The following CD2AP variants were observed in gnomAD, a reference collection of about 807,000 sequenced individuals.
CD2AP encodes CD2 associated protein.
CD2AP carries 46 observed loss-of-function variants against 85.1 expected under a neutral mutation model. That is an observed-to-expected ratio of 0.54 (90% CI 0.43 to 0.69). The LOEUF is 0.69. CD2AP is among the 30% of genes least tolerant of loss of function. The probability of loss-of-function intolerance (pLI) is 0.00; values close to 1 mark genes in which losing one functional copy is unlikely to be tolerated. For synonymous variants in CD2AP, 255 were observed against 252.9 expected, an observed-to-expected ratio of 1.01 and a Z score of -0.08; for missense variants, 769 against 729.5, an observed-to-expected ratio of 1.05 and a Z score of -0.62.
chr6:47,575,373 T>G (rs1366016520), intron 6 of CD2AP, among the ~76,000 whole-genome samples: 1 of 152,232 alleles, frequency 6.6e-6, no homozygotes, highest in African/African-American at 2.4e-5. Flanking sequence ...TTTAGTTGAT[T>G]AATGATTATA....
chr6:47,558,550 G>A (rs947053474), intron 5 of CD2AP, among the ~76,000 whole-genome samples: 46 of 152,096 alleles, frequency 3.0e-4, no homozygotes, highest in African/African-American at 1.0e-3. Context: ...GAATTTTATC[G>A]AAGGCCTTTT....
chr6:47,478,901 G>A (rs1765378404), intron 1 of CD2AP, among the ~76,000 whole-genome samples: 1 of 152,094 alleles, frequency 6.6e-6, no homozygotes, highest in Non-Finnish European at 1.5e-5. Flanking sequence ...TTCCTGTTTG[G>A]AGTTAGACTT....
chr6:47,606,353 G>A, intron 14 of CD2AP, 76 bp downstream of exon 14: 1 of 869,202 alleles, frequency 1.2e-6, no homozygotes, highest in Non-Finnish European at 2.0e-6. Flanking sequence ...AGGACTTATA[G>A]CTCTACCTAA....
At chr6:47,604,264 A>T (rs1427047535) in intron 13 of CD2AP, among the ~76,000 whole-genome samples, 1 of 152,038 alleles carries the variant, frequency 6.6e-6, no homozygotes, top group Non-Finnish European at 1.5e-5. Context: ...AAGCATTTAG[A>T]TATGTCATGA....
At chr6:47,621,367 C>A (rs1769739388) in intron 17 of CD2AP, among the ~76,000 whole-genome samples, 1 of 152,124 alleles carries the variant, frequency 6.6e-6, no homozygotes. Flanking sequence ...GTATGTTAAA[C>A]CATCCCTGCA....
chr6:47,530,407 CT>C (rs781268447), intron 2 of CD2AP, among the ~76,000 whole-genome samples: 32 of 152,130 alleles, frequency 2.1e-4, no homozygotes, highest in Non-Finnish European at 4.0e-4. Context: ...CATTTATCTG[CT>C]TTTTAATCTA....
chr6:47,542,876 C>T (rs1291511827), intron 3 of CD2AP, among the ~76,000 whole-genome samples: 1 of 151,950 alleles, frequency 6.6e-6, no homozygotes, highest in Non-Finnish European at 1.5e-5. Flanking sequence ...TGTGGCTGGG[C>T]ATGGTAGCTC....
Position 47,551,400 on chromosome 6 carries a change from A to T in CD2AP, c.421-3246A>T, listed in dbSNP as rs1035384013. On this transcript the variant is annotated intron_variant, in intron 4 of 17. Coordinates refer to ENST00000359314, the MANE Select transcript of CD2AP (RefSeq NM_012120.3). ...GTTTATACAAACTTAGATTGTGTTT[A>T]TACAAAGGCTGTTCTATTTTATTTT... Among the ~76,000 whole-genome samples, 12 of 152,210 alleles carry T rather than the reference A, an allele frequency of 7.9e-5. 1 individual carries two copies. The East Asian group carries it at 2.1e-3, about 27-fold the overall frequency.
At chr6:47,605,168 G>A (rs555045512) in intron 13 of CD2AP, among the ~76,000 whole-genome samples, 2 of 152,110 alleles carry the variant, frequency 1.3e-5, no homozygotes, top group East Asian at 1.9e-4. Flanking sequence ...TACAGATCTG[G>A]ACGATTAGAC....
intron 4 of CD2AP, 123 bp downstream of exon 4, chr6:47,544,829 TATAG>T (rs113412309): frequency 8.9e-6 from 6 of 677,854 alleles, no homozygotes; most frequent in African/African-American, 3.6e-5. Flanking sequence ...AAAAAAATGG[TATAG>T]AGTTTCTTTA....
chr6:47,544,398 G>T (rs1340148921), intron 3 of CD2AP, among the ~76,000 whole-genome samples: 7 of 152,114 alleles, frequency 4.6e-5, no homozygotes, highest in African/African-American at 1.7e-4. Context: ...TGTATAAAGA[G>T]ATTTTATTGC....
chr6:47,617,884 A>G (rs773684137), intron 17 of CD2AP, among the ~76,000 whole-genome samples: 23 of 152,220 alleles, frequency 1.5e-4, no homozygotes, highest in Non-Finnish European at 1.0e-4. Flanking sequence ...CTTACAATTG[A>G]TAAGTCCGAA....
chr6:47,512,576 A>G (rs897987298), intron 2 of CD2AP, among the ~76,000 whole-genome samples: 4 of 152,244 alleles, frequency 2.6e-5, no homozygotes, highest in African/African-American at 9.6e-5. Flanking sequence ...TGACAAACTT[A>G]TGCCCATTTC....
intron 13 of CD2AP, among the ~76,000 whole-genome samples, chr6:47,600,816 A>G (rs924336127): frequency 7.2e-5 from 11 of 151,952 alleles, no homozygotes; most frequent in Non-Finnish European, 1.3e-4. Flanking sequence ...TGTGTTTCAT[A>G]GGTTATAGTT....
At chr6:47,508,143 C>T (rs565392634) in intron 2 of CD2AP, among the ~76,000 whole-genome samples, 11 of 152,320 alleles carry the variant, frequency 7.2e-5, no homozygotes, top group African/African-American at 2.4e-4. Flanking sequence ...TGAGCCTGTC[C>T]TTTGAAGCCT....
intron 13 of CD2AP, among the ~76,000 whole-genome samples, chr6:47,604,441 AT>A (rs1438987563): frequency 6.6e-6 from 1 of 151,914 alleles, no homozygotes. Flanking sequence ...TCTATGTTTT[AT>A]TTACCCTTTC....
At chr6:47,610,588 G>C (rs1769401577) in intron 16 of CD2AP, among the ~76,000 whole-genome samples, 1 of 151,942 alleles carries the variant, frequency 6.6e-6, no homozygotes, top group African/African-American at 2.4e-5. Flanking sequence ...GGAGTTTGCA[G>C]AACACTTTCA....
Position 47,587,178 on chromosome 6 carries a change from T to A in CD2AP, c.1108+5113T>A, listed in dbSNP as rs1768652655. Among the ~76,000 whole-genome samples, 3 of 152,178 alleles carry A rather than the reference T, an allele frequency of 2.0e-5. No homozygotes were observed. In the South Asian group the frequency reaches 6.2e-4, roughly 32 times the overall value. On this transcript the variant is annotated intron_variant, in intron 11 of 17. Coordinates refer to ENST00000359314, the MANE Select transcript of CD2AP (RefSeq NM_012120.3). ...TTTTCAAATCATGGCTAGGACCAAT[T>A]TGAAGCGTCTTAAGCCTTCCACCAA...
intron 17 of CD2AP, among the ~76,000 whole-genome samples, chr6:47,615,676 A>G (rs1769558050): frequency 6.6e-6 from 1 of 152,120 alleles, no homozygotes; most frequent in Non-Finnish European, 1.5e-5. Context: ...CACCTCCAAC[A>G]CTGGGGATTA....
Sources: allele counts gnomAD v4.1 joint callset (sites outside exome capture counted in the v4.1 genomes callset), GRCh38; gene constraint gnomAD v4.1.1; transcripts MANE v1.5; gene names NCBI Gene and HGNC (gene_info 2026-07-23, HGNC 2026-07-21).